XKR4: variants seen among roughly 807,000 people sequenced by gnomAD.
The protein encoded by XKR4 is XK related 4.
Under a neutral mutation model 53.9 loss-of-function variants are expected in XKR4, and 12 were observed. The ratio of observed to expected loss-of-function variants is 0.22; its 90% CI spans 0.14 to 0.36. XKR4 has a LOEUF of 0.36. XKR4 is among the 10% of genes least tolerant of loss of function. The pLI is 1.00. For missense variants in XKR4, 799 were observed against 859.5 expected, an observed-to-expected ratio of 0.93 and a Z score of 0.88; for synonymous variants, 354 against 362.4, an observed-to-expected ratio of 0.98 and a Z score of 0.26.
At chr8:55,163,519 A>C (rs1275929675) in intron 1 of XKR4, among the ~76,000 whole-genome samples, 1 of 152,206 alleles carries the variant, frequency 6.6e-6, no homozygotes, top group Admixed American at 6.5e-5. Context: ...AGCTCAGATA[A>C]ACATGTTACA....
chr8:55,459,299 G>A (rs1477776738), intron 2 of XKR4, among the ~76,000 whole-genome samples: 1 of 152,146 alleles, frequency 6.6e-6, no homozygotes, highest in Non-Finnish European at 1.5e-5. Context: ...AGACCTAAAT[G>A]TAAGTAAGAG....
chr8:55,424,996 T>G (rs1282220132), intron 2 of XKR4, among the ~76,000 whole-genome samples: 1 of 152,222 alleles, frequency 6.6e-6, no homozygotes, highest in Non-Finnish European at 1.5e-5. Flanking sequence ...CATAAAAAAC[T>G]GGAACATCTA....
At chr8:55,261,717 G>A (rs1403441772) in intron 1 of XKR4, among the ~76,000 whole-genome samples, 1 of 152,178 alleles carries the variant, frequency 6.6e-6, no homozygotes, top group Non-Finnish European at 1.5e-5. Flanking sequence ...AGACAGCTGA[G>A]CAGATTTCCT....
intron 1 of XKR4, among the ~76,000 whole-genome samples, chr8:55,159,708 G>A (rs1297373613): frequency 6.6e-6 from 1 of 152,184 alleles, no homozygotes; most frequent in Non-Finnish European, 1.5e-5. Context: ...GGCAAGATAA[G>A]ATTCCATTTG....
chr8:55,464,007 C>T (rs1044977253), intron 2 of XKR4, among the ~76,000 whole-genome samples: 12 of 152,196 alleles, frequency 7.9e-5, no homozygotes, highest in Admixed American at 5.9e-4. Context: ...CAAAAAAAGT[C>T]CAGGACCAGA....
At chr8:55,465,367 G>C (rs1218983817) in intron 2 of XKR4, among the ~76,000 whole-genome samples, 3 of 151,996 alleles carry the variant, frequency 2.0e-5, no homozygotes, top group Non-Finnish European at 2.9e-5. Flanking sequence ...AAAAACCTGA[G>C]AAAAACAAGC....
At position 55,527,775 on chromosome 8, in the gene XKR4, T is replaced by C. The variant is rs1806897894; in HGVS notation, c.*3548T>C. On this transcript the variant is annotated 3_prime_UTR_variant, in exon 3 of 3. Coordinates refer to ENST00000327381, the MANE Select transcript of XKR4 (RefSeq NM_052898.2). ...TGGCAAGAATATATAATTCAAGTATTAGCAAAAGATAATCTGAGGATAAAA... is the reference window on the plus strand; with the variant it reads ...TGGCAAGAATATATAATTCAAGTATCAGCAAAAGATAATCTGAGGATAAAA... The C allele has an allele frequency of 6.6e-6, 1 of 152,232 alleles. No homozygotes were observed. Among genetic ancestry groups the C allele is most frequent in the South Asian group, 2.1e-4 (1 of 4,832 alleles). 9.4% of individuals were successfully genotyped at this position (152,232 alleles called of 1,614,324 possible).
intron 1 of XKR4, among the ~76,000 whole-genome samples, chr8:55,195,042 C>A (rs1730506674): frequency 6.6e-6 from 1 of 152,084 alleles, no homozygotes; most frequent in African/African-American, 2.4e-5. Flanking sequence ...CTGTTCCCAT[C>A]TATTTATGCG....
chr8:55,126,723 C>T (rs980249936), intron 1 of XKR4, among the ~76,000 whole-genome samples: 11 of 152,290 alleles, frequency 7.2e-5, no homozygotes, highest in African/African-American at 2.6e-4. Context: ...GCTAAATTTG[C>T]TTTGGGGTCT....
chr8:55,272,526 C>T (rs1818706460), intron 1 of XKR4, among the ~76,000 whole-genome samples: 1 of 152,172 alleles, frequency 6.6e-6, no homozygotes, highest in Admixed American at 6.5e-5. Context: ...CTTAGAACCT[C>T]TTTGACACGG....
At chr8:55,147,181 T>C (rs563780701) in intron 1 of XKR4, among the ~76,000 whole-genome samples, 3 of 152,274 alleles carry the variant, frequency 2.0e-5, no homozygotes, top group African/African-American at 7.2e-5. Context: ...AACAGGTATA[T>C]AAGAAAATCA....
chr8:55,397,459 G>A (rs1006914382), intron 2 of XKR4, among the ~76,000 whole-genome samples: 1 of 152,176 alleles, frequency 6.6e-6, no homozygotes, highest in Non-Finnish European at 1.5e-5. Flanking sequence ...TTAGGTTGGG[G>A]CTTGGAAGCT....
intron 1 of XKR4, among the ~76,000 whole-genome samples, chr8:55,257,203 C>T (rs577500129): frequency 1.3e-5 from 2 of 152,214 alleles, no homozygotes; most frequent in African/African-American, 4.8e-5. Flanking sequence ...GATTAAAGCC[C>T]ATATATAGCT....
At chr8:55,183,760 GTGT>G (rs1339532616) in intron 1 of XKR4, among the ~76,000 whole-genome samples, 1 of 152,176 alleles carries the variant, frequency 6.6e-6, no homozygotes, top group South Asian at 2.1e-4. Flanking sequence ...TTGGCAGTTA[GTGT>G]TGTTCAAATC....
intron 1 of XKR4, among the ~76,000 whole-genome samples, chr8:55,126,674 A>G (rs1816472687): frequency 6.6e-6 from 1 of 152,248 alleles, no homozygotes; most frequent in Admixed American, 6.5e-5. Context: ...TTTCAGTTCT[A>G]GCTACTTCAC....
Position 55,354,904 on chromosome 8 carries a change from A to ATTT in XKR4, c.807-2760_807-2758dup, listed in dbSNP as rs772993526. 6.8e-3 allele frequency among the ~76,000 whole-genome samples: 967 copies of ATTT among 142,632 alleles called. 6 individuals carry two copies. The highest frequency in any genetic ancestry group is 0.018 in the Middle Eastern group (5 of 276). 93.6% of individuals were successfully genotyped at this position (142,632 alleles called of 152,430 possible). On this transcript the variant is annotated intron_variant, in intron 1 of 2. Transcript: ENST00000327381. ...GATGGATAGGACTCATCAGTATAGA[A>ATTT]TTTTTTTTTTTTTTTTGAGATGGAG... is the stretch of plus-strand genomic sequence containing the variant.
chr8:55,217,069 T>C (rs1296788694), intron 1 of XKR4, among the ~76,000 whole-genome samples: 1 of 151,664 alleles, frequency 6.6e-6, no homozygotes, highest in South Asian at 2.1e-4. Context: ...GGTGAAACAC[T>C]GTCTCTATTG....
chr8:55,224,884 A>C (rs1427605868), intron 1 of XKR4, among the ~76,000 whole-genome samples: 1 of 152,204 alleles, frequency 6.6e-6, no homozygotes, highest in Non-Finnish European at 1.5e-5. Flanking sequence ...AATGGCATTT[A>C]CTGTGCGTGA....
chr8:55,503,392 C>T (rs752590455), intron 2 of XKR4, among the ~76,000 whole-genome samples: 1 of 151,926 alleles, frequency 6.6e-6, no homozygotes, highest in Non-Finnish European at 1.5e-5. Context: ...AATATACATA[C>T]CTTTTGCTTC....
Sources: gnomAD v4.1 joint callset for allele counts (sites outside exome capture counted in the v4.1 genomes callset) on GRCh38, gnomAD v4.1.1 for gene constraint, MANE v1.5 for transcripts, NCBI Gene and HGNC (gene_info 2026-07-23, HGNC 2026-07-21) for gene names.